ZNF469: variants seen among roughly 807,000 people sequenced by gnomAD.
ZNF469 encodes the protein zinc finger protein 469.
ZNF469 carries 1 observed loss-of-function variant against 1.0 expected under a neutral mutation model. The ratio of observed to expected loss-of-function variants is 1.00; its 90% CI spans 0.35 to 4.73. The LOEUF is 4.73. Among genes scored for constraint, ZNF469 ranks in the 30% most tolerant of loss-of-function variants. ZNF469 has a pLI of 0.16. For synonymous variants in ZNF469, 2,703 were observed against 2,363.4 expected (o/e 1.14, Z -4.17); for missense variants, 6,100 against 5,356.3 (o/e 1.14, Z -4.33).
intron 1 of ZNF469, among the ~76,000 whole-genome samples, chr16:88,423,696 C>T (rs573475887): frequency 1.3e-5 from 2 of 152,324 alleles, no homozygotes; most frequent in African/African-American, 4.8e-5. Context: ...GAAGCCACTT[C>T]CAAGATGGCT....
upstream of ZNF469, among the ~76,000 whole-genome samples, chr16:88,379,161 C>T (rs8051681): frequency 0.18 from 26,653 of 152,072 alleles, 2,608 homozygotes; most frequent in Middle Eastern, 0.26. Context: ...CCCTCCTGAC[C>T]GTCTACTGGG....
chr16:88,287,408 C>T, the ZNF469 span, among the ~76,000 whole-genome samples: 3 of 152,184 alleles, frequency 2.0e-5, no homozygotes, highest in Non-Finnish European at 2.9e-5. Context: ...TGTGTACAAC[C>T]GCACCAGCGG....
At chr16:88,222,318 T>G in the ZNF469 span, among the ~76,000 whole-genome samples, 13 of 152,216 alleles carry the variant, frequency 8.5e-5, no homozygotes, top group African/African-American at 2.9e-4. Flanking sequence ...AGACAGAGTC[T>G]TGCTCAGTTG....
At chr16:88,361,691 C>T in the ZNF469 span, among the ~76,000 whole-genome samples, 1 of 151,620 alleles carries the variant, frequency 6.6e-6, no homozygotes, top group Non-Finnish European at 1.5e-5. Context: ...TTCATGAGCA[C>T]TGGTTTCTTT....
At chr16:88,215,183 G>T in the ZNF469 span, among the ~76,000 whole-genome samples, 1 of 152,016 alleles carries the variant, frequency 6.6e-6, no homozygotes, top group African/African-American at 2.4e-5. Flanking sequence ...AATTGGAGTA[G>T]TCTATTTGCC....
At chr16:88,364,770 C>T in the ZNF469 span, among the ~76,000 whole-genome samples, 40 of 149,840 alleles carry the variant, frequency 2.7e-4, no homozygotes, top group Non-Finnish European at 4.7e-4. Flanking sequence ...TCAAGACCAG[C>T]CTGGCCAATG....
the ZNF469 span, among the ~76,000 whole-genome samples, chr16:88,302,179 G>C: frequency 6.6e-6 from 1 of 152,200 alleles, no homozygotes; most frequent in Non-Finnish European, 1.5e-5. Flanking sequence ...ACGCCAGGGA[G>C]GACGGAGGAG....
the ZNF469 span, among the ~76,000 whole-genome samples, chr16:88,203,400 G>T: frequency 6.6e-6 from 1 of 152,166 alleles, no homozygotes; most frequent in Non-Finnish European, 1.5e-5. Context: ...TGAGGGCGGC[G>T]CCTGCCTCCT....
the ZNF469 span, among the ~76,000 whole-genome samples, chr16:88,211,482 G>A: frequency 1.3e-5 from 2 of 152,158 alleles, no homozygotes; most frequent in African/African-American, 2.4e-5. Context: ...TGAATGTCTA[G>A]TGATCTTTTA....
the ZNF469 span, among the ~76,000 whole-genome samples, chr16:88,119,364 G>C: frequency 6.6e-6 from 1 of 152,204 alleles, no homozygotes; most frequent in African/African-American, 2.4e-5. Context: ...GCCGTCCGCA[G>C]CCTGTGGTGC....
the ZNF469 span, among the ~76,000 whole-genome samples, chr16:88,158,415 A>T: frequency 6.6e-6 from 1 of 151,948 alleles, no homozygotes; most frequent in Non-Finnish European, 1.5e-5. Flanking sequence ...ACATCCTGCC[A>T]TCTGGGGGTG....
intron 1 of ZNF469, among the ~76,000 whole-genome samples, chr16:88,388,605 A>G (rs1381749491): frequency 2.0e-5 from 3 of 152,220 alleles, no homozygotes; most frequent in African/African-American, 7.2e-5. Context: ...AGGGGCAGGA[A>G]TGTGACTTGC....
the ZNF469 span, among the ~76,000 whole-genome samples, chr16:88,359,043 C>T: frequency 3.9e-5 from 6 of 152,198 alleles, no homozygotes; most frequent in African/African-American, 1.2e-4. Flanking sequence ...GTAGAATCAC[C>T]GAGTCGTTGG....
At chr16:88,275,811 C>G in the ZNF469 span, among the ~76,000 whole-genome samples, 5 of 152,138 alleles carry the variant, frequency 3.3e-5, no homozygotes, top group African/African-American at 1.2e-4. Flanking sequence ...TGCGGCATGG[C>G]GGAGGGGATA....
the ZNF469 span, among the ~76,000 whole-genome samples, chr16:88,156,411 T>C: frequency 6.6e-6 from 1 of 152,290 alleles, no homozygotes; most frequent in African/African-American, 2.4e-5. Context: ...TTTCTGTGTA[T>C]GGTGTGAGGT....
In ZNF469 at chr16:88,433,713, C is replaced by T; in HGVS notation, c.6243C>T (p.Gly2081=). The T allele has an allele frequency of 6.5e-7, 1 of 1,549,028 alleles. No individual in the cohort carries two copies. Among genetic ancestry groups the T allele is most frequent in the Non-Finnish European group, 8.7e-7 (1 of 1,146,718 alleles). The change falls in exon 3 of 3, where the codon GGC becomes GGT. Residue 2081 remains glycine, a synonymous_variant. Coordinates refer to ENST00000565624, the MANE Select transcript of ZNF469 (RefSeq NM_001367624.2). ...TAAHSRSGSE[G]RTPERASSPG... is the part of the protein sequence containing the mutation. ...CCCACAGCCGAAGTGGATCTGAGGG[C>T]CGGACTCCAGAGAGGGCGTCCAGCC...
At chr16:88,290,880 T>C in the ZNF469 span, among the ~76,000 whole-genome samples, 1 of 152,224 alleles carries the variant, frequency 6.6e-6, no homozygotes, top group South Asian at 2.1e-4. Flanking sequence ...CAGGACAGCA[T>C]CTTTCCAGGG....
At chr16:88,253,396 G>C in the ZNF469 span, among the ~76,000 whole-genome samples, 7 of 151,802 alleles carry the variant, frequency 4.6e-5, no homozygotes, top group Admixed American at 4.6e-4. Context: ...TTTAGTGAGC[G>C]TGAGGCTGCA....
the ZNF469 span, among the ~76,000 whole-genome samples, chr16:88,103,618 A>G: frequency 6.6e-6 from 1 of 151,926 alleles, no homozygotes; most frequent in Admixed American, 6.5e-5. Flanking sequence ...TCCTGCATGA[A>G]TCAGATCATC....
Sources: allele counts gnomAD v4.1 joint callset (sites outside exome capture counted in the v4.1 genomes callset), GRCh38; gene constraint gnomAD v4.1.1; transcripts MANE v1.5; gene names NCBI Gene and HGNC (gene_info 2026-07-23, HGNC 2026-07-21).